The following SAMMSON variants were observed in gnomAD, a reference collection of about 807,000 sequenced individuals.
SAMMSON encodes the protein long intergenic non-protein coding RNA 1212.
chr3:70,016,157 T>G (rs539469961), intron 3 of SAMMSON, among the ~76,000 whole-genome samples: 3 of 152,302 alleles, frequency 2.0e-5, no homozygotes, highest in East Asian at 3.9e-4. Context: ...CCACAATGGA[T>G]GAACTAGTTT....
chr3:70,014,224 C>T (rs1282482459), intron 3 of SAMMSON: 1 of 152,086 alleles, frequency 6.6e-6, no homozygotes, highest in South Asian at 2.1e-4. Context: ...TTTTATCCTT[C>T]GTACAGAGGG....
intron 2 of SAMMSON, among the ~76,000 whole-genome samples, chr3:70,423,046 C>T (rs1314384561): frequency 3.3e-5 from 5 of 151,604 alleles, no homozygotes; most frequent in Non-Finnish European, 5.9e-5. Flanking sequence ...TATATCATTA[C>T]ATGAAAAAAA....
chr3:70,295,059 T>G (rs1702276438), intron 7 of SAMMSON, among the ~76,000 whole-genome samples: 1 of 152,166 alleles, frequency 6.6e-6, no homozygotes, highest in African/African-American at 2.4e-5. Flanking sequence ...AATGATCTGT[T>G]GCCTAAAATT....
intron 1 of SAMMSON, among the ~76,000 whole-genome samples, chr3:70,010,858 C>G (rs2066951636): frequency 1.3e-5 from 2 of 152,042 alleles, no homozygotes; most frequent in African/African-American, 4.8e-5. Flanking sequence ...TGAGTGCAAA[C>G]AGGGGAAATG....
chr3:70,243,842 C>G (rs957165146), intron 4 of SAMMSON, among the ~76,000 whole-genome samples: 2 of 152,128 alleles, frequency 1.3e-5, no homozygotes, highest in African/African-American at 4.8e-5. Flanking sequence ...AGCTTTGTGT[C>G]TAGGAGGATA....
chr3:70,333,159 A>G (rs1702634867), intron 7 of SAMMSON, among the ~76,000 whole-genome samples: 1 of 151,818 alleles, frequency 6.6e-6, no homozygotes, highest in Admixed American at 6.6e-5. Context: ...TTGCCGGACT[A>G]CTAGCCATTC....
chr3:70,090,899 T>A (rs897270548), intron 4 of SAMMSON, among the ~76,000 whole-genome samples: 1 of 152,138 alleles, frequency 6.6e-6, no homozygotes, highest in Non-Finnish European at 1.5e-5. Flanking sequence ...CTTAGATAAA[T>A]TTTGTATGCA....
intron 9 of SAMMSON, among the ~76,000 whole-genome samples, chr3:70,363,955 CT>C (rs1412914665): frequency 1.3e-5 from 2 of 151,518 alleles, no homozygotes; most frequent in Non-Finnish European, 3.0e-5. Context: ...GCTTTTTTGT[CT>C]GTTTAGTTGA....
At chr3:70,212,363 A>G (rs777544034) in intron 4 of SAMMSON, among the ~76,000 whole-genome samples, 1 of 152,098 alleles carries the variant, frequency 6.6e-6, no homozygotes, top group Non-Finnish European at 1.5e-5. Context: ...CTTCTCCCCA[A>G]ACTGGAATAA....
intron 3 of SAMMSON, among the ~76,000 whole-genome samples, chr3:70,067,789 C>T (rs2067215592): frequency 6.6e-6 from 1 of 151,974 alleles, no homozygotes; most frequent in South Asian, 2.1e-4. Context: ...CCAGAGGTTG[C>T]CTTATAGTAA....
chr3:70,162,148 A>G (rs1254344388), intron 4 of SAMMSON, among the ~76,000 whole-genome samples: 1 of 151,594 alleles, frequency 6.6e-6, no homozygotes, highest in Non-Finnish European at 1.5e-5. Flanking sequence ...TTTTCACTCT[A>G]ATCTTTATTG....
chr3:70,230,761 G>C (rs1701552113), intron 4 of SAMMSON, among the ~76,000 whole-genome samples: 2 of 152,210 alleles, frequency 1.3e-5, no homozygotes, highest in African/African-American at 4.8e-5. Context: ...CCCTCCTTGA[G>C]TTTTAAAGGC....
chr3:70,045,078 A>G (rs1486467148), intron 3 of SAMMSON, among the ~76,000 whole-genome samples: 25 of 84,160 alleles, frequency 3.0e-4, no homozygotes, highest in African/African-American at 1.3e-3. Flanking sequence ...ATTATAATTA[A>G]TATATATAAT....
At chr3:70,088,561 G>A (rs1275849806) in intron 4 of SAMMSON, among the ~76,000 whole-genome samples, 2 of 152,186 alleles carry the variant, frequency 1.3e-5, no homozygotes, top group Non-Finnish European at 2.9e-5. Context: ...AATTGGCTAA[G>A]CCCTTCTCTG....
At chr3:70,392,147 G>A (rs1701054098), downstream of SAMMSON, among the ~76,000 whole-genome samples, 1 of 152,096 alleles carries the variant, frequency 6.6e-6, no homozygotes, top group Non-Finnish European at 1.5e-5. Context: ...AAACAGGTCT[G>A]AAAACCATTT....
intron 3 of SAMMSON, among the ~76,000 whole-genome samples, chr3:70,066,596 C>G (rs2067211114): frequency 6.6e-6 from 1 of 152,064 alleles, no homozygotes; most frequent in Non-Finnish European, 1.5e-5. Flanking sequence ...AACAGAGTAT[C>G]ATATTTATAT....
intron 6 of SAMMSON, among the ~76,000 whole-genome samples, chr3:70,289,265 A>G (rs1405121309): frequency 1.3e-5 from 2 of 148,318 alleles, no homozygotes; most frequent in Non-Finnish European, 3.0e-5. Flanking sequence ...GTGGTGACAA[A>G]ATCTCTCAGC....
At chr3:70,394,683 C>T (rs2106759141), downstream of SAMMSON, among the ~76,000 whole-genome samples, 1 of 152,188 alleles carries the variant, frequency 6.6e-6, no homozygotes, top group Middle Eastern at 3.4e-3. Context: ...GTAAATTGTA[C>T]GTTACATATA....
intron 4 of SAMMSON, among the ~76,000 whole-genome samples, chr3:70,117,727 C>T (rs901391817): frequency 6.6e-6 from 1 of 152,096 alleles, no homozygotes; most frequent in African/African-American, 2.4e-5. Context: ...AGGGCTTGTC[C>T]TGATCTCAAT....
Sources: gnomAD v4.1 joint callset for allele counts (sites outside exome capture counted in the v4.1 genomes callset) on GRCh38, gnomAD v4.1.1 for gene constraint, MANE v1.5 for transcripts, NCBI Gene and HGNC (gene_info 2026-07-23, HGNC 2026-07-21) for gene names.